Variants in CDV3 observed in about 807,000 individuals in gnomAD.
CDV3 encodes the protein protein CDV3 homolog.
CDV3 carries 14 observed loss-of-function variants against 24.5 expected under a neutral mutation model. The ratio of observed to expected loss-of-function variants is 0.57; its 90% CI spans 0.38 to 0.89. The LOEUF is 0.89. Ranked by LOEUF, CDV3 falls within the 40% of genes least tolerant of loss-of-function variation. The pLI is 0.00. For missense variants in CDV3, 304 were observed against 310.2 expected (o/e 0.98, Z 0.15); for synonymous variants, 114 against 114.1 (o/e 1.00, Z 0.00).
At chr3:133,583,705 G>T (rs1260012411) in intron 2 of CDV3, among the ~76,000 whole-genome samples, 1 of 152,140 alleles carries the variant, frequency 6.6e-6, no homozygotes, top group African/African-American at 2.4e-5. Context: ...TGGCATTGTA[G>T]GTGTGTGCCC....
At chr3:133,584,397 C>T (rs1278386797) in intron 3 of CDV3, among the ~76,000 whole-genome samples, 1 of 152,024 alleles carries the variant, frequency 6.6e-6, no homozygotes, top group African/African-American at 2.4e-5. Context: ...ATAGACTAGT[C>T]GATTCCAGTT....
At chr3:133,574,712 G>A (rs899831630) in intron 1 of CDV3, 4 of 1,089,384 alleles carry the variant, frequency 3.7e-6, no homozygotes, top group Non-Finnish European at 4.5e-6. Context: ...CTCTAAGCCC[G>A]TGAAAGAAAA....
At chr3:133,585,661 C>T (rs1375340367) in intron 3 of CDV3, among the ~76,000 whole-genome samples, 1 of 151,674 alleles carries the variant, frequency 6.6e-6, no homozygotes, top group Non-Finnish European at 1.5e-5. Context: ...TGCCCCGCTA[C>T]ATCTTTGTAT....
At position 133,584,064 on chromosome 3, in the gene CDV3, G is replaced by A. The variant is rs748463641; in HGVS notation, c.380G>A (p.Gly127Asp). The A allele has an allele frequency of 4.3e-6, 7 of 1,610,538 alleles. No homozygotes were observed. The highest frequency in any genetic ancestry group is 3.4e-6 in the Non-Finnish European group (4 of 1,176,812). Residue 127 changes from glycine to aspartate, a missense_variant, in exon 3 of 5, where the codon GGT (glycine) becomes GAT (aspartate). Gly to Asp is a moderately conservative substitution (Grantham distance 94). This residue lies in a region of CDV3 where 219 missense variants were observed against 203.6 expected (regional missense o/e 1.08). Coordinates refer to ENST00000264993, the MANE Select transcript of CDV3 (RefSeq NM_017548.5). ...RQDPGDNWEE[G>D]GGGGGGMEKS... ...GATCCAGGTGATAACTGGGAAGAAG[G>A]TGGAGGTGGTGGTGGAGGTATGGAA...
chr3:133,581,325 A>G (rs551836424), intron 2 of CDV3, among the ~76,000 whole-genome samples: 1 of 152,296 alleles, frequency 6.6e-6, no homozygotes, highest in Admixed American at 6.5e-5. Flanking sequence ...TGAAGATTGC[A>G]GTGAGCTAAG....
In CDV3 at chr3:133,588,304, AAAC is replaced by A; in HGVS notation, c.*259_*261del. The A allele has an allele frequency of 6.5e-7, 1 of 1,537,682 alleles. No homozygotes were observed. Among genetic ancestry groups the A allele is most frequent in the Non-Finnish European group, 8.7e-7 (1 of 1,146,880 alleles). ...TTCATATTTACTCTGCAAATACAAAAAACCAAAACCTGCAGCCAGTGGTCATTT... is the reference window on the plus strand; with the variant it reads ...TTCATATTTACTCTGCAAATACAAAACAAAACCTGCAGCCAGTGGTCATTT... On this transcript the variant is annotated 3_prime_UTR_variant, in exon 5 of 5. Coordinates refer to ENST00000264993, the MANE Select transcript of CDV3 (RefSeq NM_017548.5).
intron 2 of CDV3, among the ~76,000 whole-genome samples, chr3:133,577,436 C>T (rs1421044964): frequency 3.9e-5 from 6 of 151,946 alleles, no homozygotes; most frequent in Non-Finnish European, 8.8e-5. Context: ...TCTCAGCTCA[C>T]CGCAACCTCA....
At position 133,589,966 on chromosome 3, in the gene CDV3, A is replaced by G. The variant is rs1335337169; in HGVS notation, c.*1920A>G. The G allele has an allele frequency of 6.6e-6, 1 of 152,236 alleles. No homozygotes were observed. The highest frequency in any genetic ancestry group is 1.5e-5 in the Non-Finnish European group (1 of 68,034). The allele number at this position is 152,236 out of a possible 1,614,324, so 9.4% of individuals were successfully genotyped here. On this transcript the variant is annotated 3_prime_UTR_variant, in exon 5 of 5. Coordinates refer to ENST00000264993, the MANE Select transcript of CDV3 (RefSeq NM_017548.5). ...ATTTTCCCTGCATTTTTTCCCAACA[A>G]AATTTTGTTGGGGGTTATGTTACTG...
In CDV3 at chr3:133,587,556, A is replaced by G. The variant is rs116168356; in HGVS notation, c.627-340A>G. 3.4e-4 allele frequency: 379 copies of G among 1,099,976 alleles called. 1 individual carries two copies. In the African/African-American group the frequency reaches 5.6e-3, roughly 16 times the overall value. The allele number at this position is 1,099,976 out of a possible 1,614,324, so 68.1% of individuals were successfully genotyped here. ...GAGAAAATTGTTACCCTTGTGCATA[A>G]AGAGAGAGATGTATTATCTATTACT... On this transcript the variant is annotated intron_variant, in intron 4 of 4. Coordinates refer to ENST00000264993, the MANE Select transcript of CDV3 (RefSeq NM_017548.5).
chr3:133,588,208 C>T lies in CDV3; in HGVS notation c.*162C>T, dbSNP rs1007432570. On this transcript the variant is annotated 3_prime_UTR_variant, in exon 5 of 5. Transcript: ENST00000264993. ...TATGGAAGTTAAAGTGTCACGACTG[C>T]TCTATGCATATTGGATTTAGGGGAA... is the stretch of plus-strand genomic sequence containing the variant. 17 of 1,537,686 alleles carry T rather than the reference C, an allele frequency of 1.1e-5. No homozygotes were observed. The highest frequency in any genetic ancestry group is 4.8e-5 in the East Asian group (2 of 41,364).
intron 2 of CDV3, among the ~76,000 whole-genome samples, chr3:133,575,381 A>G (rs758141384): frequency 2.6e-5 from 4 of 152,248 alleles, no homozygotes; most frequent in Non-Finnish European, 5.9e-5. Flanking sequence ...AGACAGCTAA[A>G]GTGGATTTTG....
At chr3:133,578,406 G>A (rs994076425) in intron 2 of CDV3, among the ~76,000 whole-genome samples, 5 of 152,156 alleles carry the variant, frequency 3.3e-5, no homozygotes, top group Non-Finnish European at 7.3e-5. Context: ...AGAAACTTTG[G>A]TGAGAAATCT....
At position 133,574,158 on chromosome 3, in the gene CDV3, C is replaced by G; in HGVS notation, c.114C>G (p.Ala38=). 8.7e-7 allele frequency: 1 copy of G among 1,153,776 alleles called. No individual in the cohort carries two copies. The highest frequency in any genetic ancestry group is 1.1e-6 in the Non-Finnish European group (1 of 919,614). 71.5% of individuals were successfully genotyped at this position (1,153,776 alleles called of 1,614,324 possible). A position where few individuals can be genotyped will look rare whatever the true frequency, so the allele number is the denominator to read the frequency against. ...GTGCCGCGGGCGCAGCGGGCAGCGCCGGCGGAAGCAGTGGAGCCGCGGGTG... is the reference window on the plus strand; with the variant it reads ...GTGCCGCGGGCGCAGCGGGCAGCGCGGGCGGAAGCAGTGGAGCCGCGGGTG... ...AASAAGAAGS[A]GGSSGAAGAA... The change falls in exon 1 of 5, where the codon GCC becomes GCG. Residue 38 remains alanine (A), a synonymous_variant. Transcript: ENST00000264993.
chr3:133,590,114 T>C lies in CDV3; in HGVS notation c.*2068T>C, dbSNP rs1324048989. The C allele has an allele frequency of 2.6e-5, 4 of 152,194 alleles. No homozygotes were observed. The highest frequency in any genetic ancestry group is 9.6e-5 in the African/African-American group (4 of 41,458). The allele number at this position is 152,194 out of a possible 1,614,324, so 9.4% of individuals were successfully genotyped here. A position where few individuals can be genotyped will look rare whatever the true frequency, so the allele number is the denominator to read the frequency against. The stretch of plus-strand genomic sequence containing the variant: ...AACTTTTTAAAAGATTGTGAAAATA[T>C]CAAAATATAAATGAATCAAGTTTTA... On this transcript the variant is annotated 3_prime_UTR_variant, in exon 5 of 5. Transcript: ENST00000264993.
Position 133,574,124 on chromosome 3 carries a change from G to C in CDV3, c.80G>C (p.Arg27Pro). The part of the protein sequence containing the change: ...DKKKKKERSN[R>P]AASAAGAAGS... ...AAGAAGAAGAAGGAGCGGAGCAACC[G>C]GGCGGCGAGTGCCGCGGGCGCAGCG... Residue 27 changes from arginine to proline, a missense_variant, in exon 1 of 5, where the codon CGG (arginine) becomes CCG (proline). Physicochemically the swap from Arg to Pro is moderately radical, Grantham distance 103. Coordinates refer to ENST00000264993, the MANE Select transcript of CDV3 (RefSeq NM_017548.5). The C allele has an allele frequency of 5.0e-6, 6 of 1,200,928 alleles. No homozygotes were observed. The highest frequency in any genetic ancestry group is 5.3e-6 in the Non-Finnish European group (5 of 945,040). 74.4% of individuals were successfully genotyped at this position (1,200,928 alleles called of 1,614,324 possible). A position where few individuals can be genotyped will look rare whatever the true frequency, so the allele number is the denominator to read the frequency against.
chr3:133,587,136 A>G, intron 4 of CDV3: 1 of 1,189,792 alleles, frequency 8.4e-7, no homozygotes, highest in Non-Finnish European at 1.1e-6. Flanking sequence ...TATAAATCTA[A>G]TATTAAAATA....
At chr3:133,585,057 T>A (rs1230045132) in intron 3 of CDV3, among the ~76,000 whole-genome samples, 1 of 152,202 alleles carries the variant, frequency 6.6e-6, no homozygotes, top group Non-Finnish European at 1.5e-5. Flanking sequence ...TGTTAAATTT[T>A]TATTTTTATA....
chr3:133,578,032 C>T (rs1032689732), intron 2 of CDV3, among the ~76,000 whole-genome samples: 1 of 152,068 alleles, frequency 6.6e-6, no homozygotes, highest in African/African-American at 2.4e-5. Flanking sequence ...CTTTGTCACC[C>T]AGGTTGGAAT....
rs541365397 is a variant in CDV3, at chr3:133,582,874, A to G, written c.318-1128A>G. Reference sequence around the variant, plus strand: ...AAAAAGGACGTTCGATTTAGCCATTATTGTGCTTTAATATCCCTGTTGTCA... The same window carrying G: ...AAAAAGGACGTTCGATTTAGCCATTGTTGTGCTTTAATATCCCTGTTGTCA... On this transcript the variant is annotated intron_variant, in intron 2 of 4. Transcript: ENST00000264993. 4.6e-5 allele frequency among the ~76,000 whole-genome samples: 7 copies of G among 152,354 alleles called. No individual in the cohort carries two copies. In the South Asian group the frequency reaches 8.3e-4, roughly 18 times the overall value.
Sources: allele counts gnomAD v4.1 joint callset (sites outside exome capture counted in the v4.1 genomes callset), GRCh38; gene constraint gnomAD v4.1.1; regional missense constraint gnomAD v4.1.1; transcripts MANE v1.5; gene names NCBI Gene and HGNC (gene_info 2026-07-23, HGNC 2026-07-21).